CDH10: variants seen among roughly 807,000 people sequenced by gnomAD.
CDH10 encodes cadherin 10, also known as cadherin-10.
Under a neutral mutation model 73.1 loss-of-function variants are expected in CDH10, and 30 were observed. The ratio of observed to expected loss-of-function variants is 0.41; its 90% CI spans 0.31 to 0.56. The LOEUF is 0.56. Ranked by LOEUF, CDH10 falls within the 20% of genes least tolerant of loss-of-function variation. CDH10 has a pLI of 0.27. For missense variants in CDH10, 815 were observed against 973.7 expected (o/e 0.84, Z 2.17); for synonymous variants, 345 against 348.2 (o/e 0.99, Z 0.10).
intron 2 of CDH10, among the ~76,000 whole-genome samples, chr5:24,579,694 G>A (rs1745725162): frequency 6.6e-6 from 1 of 152,002 alleles, no homozygotes; most frequent in African/African-American, 2.4e-5. Flanking sequence ...CATTTTCTTT[G>A]TCTTCTAAGA....
chr5:24,574,299 A>G (rs1320601202), intron 2 of CDH10, among the ~76,000 whole-genome samples: 1 of 152,146 alleles, frequency 6.6e-6, no homozygotes, highest in South Asian at 2.1e-4. Context: ...TTCAAAATCC[A>G]TCAGTGATTG....
At chr5:24,492,963 C>A in intron 9 of CDH10, 38 bp from the exon 10 acceptor site, 1 of 816,362 alleles carries the variant, frequency 1.2e-6, no homozygotes, top group Non-Finnish European at 2.2e-6. Flanking sequence ...CAATATATCT[C>A]TTATCCATGG....
intron 5 of CDH10, among the ~76,000 whole-genome samples, chr5:24,517,415 T>C (rs915776797): frequency 1.3e-5 from 2 of 152,134 alleles, no homozygotes; most frequent in Non-Finnish European, 2.9e-5. Flanking sequence ...AAAGTGGGAA[T>C]AGGATTTCTT....
chr5:24,495,883 A>AG (rs1742266396), intron 9 of CDH10, among the ~76,000 whole-genome samples: 1 of 140,548 alleles, frequency 7.1e-6, no homozygotes, highest in Non-Finnish European at 1.6e-5. Context: ...AGAAAGAAAA[A>AG]GAAAAAAAAA....
chr5:24,597,193 G>A (rs1380915904), intron 1 of CDH10, among the ~76,000 whole-genome samples: 1 of 152,046 alleles, frequency 6.6e-6, no homozygotes, highest in African/African-American at 2.4e-5. Context: ...CTTTAGACCA[G>A]TGCTCCTCCA....
chr5:24,621,693 ATCTCTC>A (rs71912290), intron 1 of CDH10, among the ~76,000 whole-genome samples: 8 of 151,988 alleles, frequency 5.3e-5, no homozygotes, highest in African/African-American at 1.9e-4. Context: ...AGCCTAGTTG[ATCTCTC>A]TCTCTCTTTC....
intron 3 of CDH10, among the ~76,000 whole-genome samples, chr5:24,537,086 C>T (rs1242102775): frequency 6.6e-6 from 1 of 151,560 alleles, no homozygotes; most frequent in African/African-American, 2.4e-5. Flanking sequence ...TTATCTGAAT[C>T]CAAGGGACAA....
At chr5:24,546,048 C>T (rs559712823) in intron 2 of CDH10, among the ~76,000 whole-genome samples, 12 of 152,084 alleles carry the variant, frequency 7.9e-5, no homozygotes, top group Admixed American at 6.5e-4. Context: ...CAGCAGACTA[C>T]GGTCTCGAGG....
chr5:24,507,528 G>A (rs1579732746), intron 7 of CDH10, among the ~76,000 whole-genome samples: 1 of 151,608 alleles, frequency 6.6e-6, no homozygotes, highest in African/African-American at 2.4e-5. Flanking sequence ...ATGTCCATAG[G>A]AGGATTTAAA....
intron 5 of CDH10, 54 bp downstream of exon 5, chr5:24,535,058 C>CT: frequency 1.4e-6 from 2 of 1,428,286 alleles, no homozygotes; most frequent in African/African-American, 1.5e-5. Context: ...CTTTGTCTGT[C>CT]TTTTTTTACT....
chr5:24,578,343 G>T, intron 2 of CDH10: 1 of 214,200 alleles, frequency 4.7e-6, no homozygotes. Context: ...TTCAGCAGTT[G>T]GTTTATTGAA....
At chr5:24,574,837 AG>A (rs1486527936) in intron 2 of CDH10, among the ~76,000 whole-genome samples, 2 of 91,792 alleles carry the variant, frequency 2.2e-5, no homozygotes, top group African/African-American at 5.5e-5. Context: ...AAAAGATGAT[AG>A]GAAAAAAAAA....
At chr5:24,643,165 C>T (rs1748110994) in intron 1 of CDH10, among the ~76,000 whole-genome samples, 1 of 152,102 alleles carries the variant, frequency 6.6e-6, no homozygotes, top group African/African-American at 2.4e-5. Context: ...ATATGTGCCA[C>T]ATTTAGTACA....
At chr5:24,596,542 C>CA (rs1361693254) in intron 1 of CDH10, among the ~76,000 whole-genome samples, 1 of 151,932 alleles carries the variant, frequency 6.6e-6, no homozygotes, top group African/African-American at 2.4e-5. Flanking sequence ...CTCCAAGGCT[C>CA]AAATCAATTA....
chr5:24,643,651 A>G (rs1192652707), intron 1 of CDH10, among the ~76,000 whole-genome samples: 1 of 152,212 alleles, frequency 6.6e-6, no homozygotes, highest in Non-Finnish European at 1.5e-5. Flanking sequence ...CAATTATAGG[A>G]AACATCTGTT....
chr5:24,556,203 C>T (rs539122506), intron 2 of CDH10, among the ~76,000 whole-genome samples: 6 of 152,204 alleles, frequency 3.9e-5, no homozygotes, highest in African/African-American at 1.4e-4. Context: ...ATTATGGAAA[C>T]CCAATCCACT....
At chr5:24,546,361 G>T (rs907690500) in intron 2 of CDH10, among the ~76,000 whole-genome samples, 2 of 152,054 alleles carry the variant, frequency 1.3e-5, no homozygotes, top group African/African-American at 4.8e-5. Flanking sequence ...CAAGATCAAC[G>T]CTCTCACAAG....
At chr5:24,589,242 T>A (rs534830084) in intron 2 of CDH10, among the ~76,000 whole-genome samples, 65 of 152,194 alleles carry the variant, frequency 4.3e-4, no homozygotes, top group Non-Finnish European at 8.2e-4. Context: ...TGGAGAAAAA[T>A]ATATGCTTTA....
At chr5:24,502,015 T>C (rs1678493324) in intron 8 of CDH10, among the ~76,000 whole-genome samples, 1 of 151,144 alleles carries the variant, frequency 6.6e-6, no homozygotes, top group Admixed American at 6.6e-5. Context: ...GCCTCCCGGG[T>C]TCACGCCATT....
Sources: allele counts gnomAD v4.1 joint callset (sites outside exome capture counted in the v4.1 genomes callset), GRCh38; gene constraint gnomAD v4.1.1; transcripts MANE v1.5; gene names NCBI Gene and HGNC (gene_info 2026-07-23, HGNC 2026-07-21).